Variants in CCL3 observed in about 807,000 individuals in gnomAD.
The protein encoded by CCL3 is C-C motif chemokine 3.
CCL3 carries 6 observed loss-of-function variants against 8.1 expected under a neutral mutation model. The ratio of observed to expected loss-of-function variants is 0.74; its 90% CI spans 0.41 to 1.46. The LOEUF is 1.46. Among genes scored for constraint, CCL3 ranks in the 40% most tolerant of loss-of-function variants. CCL3 has a pLI of 0.02. For synonymous variants in CCL3, 45 were observed against 45.1 expected (o/e 1.00, Z 0.01); for missense variants, 109 against 117.7 (o/e 0.93, Z 0.34).
At position 36,089,189 on chromosome 17, in the gene CCL3, C is replaced by A. The variant is rs781743526; in HGVS notation, c.182G>T (p.Gly61Val). ...CAGGAAGACTGGCACTTACATGACA[C>A]CGGGCTTGGAGCACTGGCTGCTCGT... ...FETSSQCSKP[G>V]VIFLTKRSRQ... Residue 61 changes from glycine to valine, a missense_variant, in exon 2 of 3, where the codon GGT (glycine) becomes GTT (valine). Physicochemically the swap from Gly to Val is moderately radical, Grantham distance 109. Transcript: ENST00000613922. 4.3e-6 allele frequency: 7 copies of A among 1,613,878 alleles called. No individual in the cohort carries two copies. In the African/African-American group the frequency reaches 9.3e-5, roughly 22 times the overall value.
chr17:36,089,973 A>G lies in CCL3; in HGVS notation c.73+13T>C. On this transcript the variant is annotated intron_variant, in intron 1 of 2. Transcript: ENST00000613922. ...CAGAGAGTGGTGATACCCACAACGA[A>G]ACTCAGACTCACGTGATGCAGAGAA... 3 of 1,612,970 alleles carry G rather than the reference A, an allele frequency of 1.9e-6. No homozygotes were observed. Among genetic ancestry groups the G allele is most frequent in the Non-Finnish European group, 2.5e-6 (3 of 1,179,000 alleles).
At chr17:36,088,833 A>G (rs540710731) in intron 2 of CCL3, 71 bp from the exon 3 acceptor site, 266 of 1,583,144 alleles carry the variant, frequency 1.7e-4, no homozygotes, top group African/African-American at 1.0e-3. Context: ...CCATGGCCCC[A>G]CCATTCTGCT....
rs1314090425 is a variant in CCL3, at chr17:36,089,981, C to A, written c.73+5G>T. The A allele has an allele frequency of 1.2e-6, 2 of 1,613,562 alleles. No individual in the cohort carries two copies. Among genetic ancestry groups the A allele is most frequent in the Admixed American group, 3.3e-5 (2 of 60,002 alleles). On this transcript the variant is annotated splice_donor_5th_base_variant and intron_variant, in intron 1 of 2. Transcript: ENST00000613922. Reference sequence around the variant, plus strand: ...GGTGATACCCACAACGAAACTCAGACTCACGTGATGCAGAGAACTGGTTGC... The same window carrying A: ...GGTGATACCCACAACGAAACTCAGAATCACGTGATGCAGAGAACTGGTTGC...
rs750828742 is a variant in CCL3, at chr17:36,090,038, G to A, written c.21C>T (p.Ala7=). 5 of 1,613,486 alleles carry A rather than the reference G, an allele frequency of 3.1e-6. No homozygotes were observed. The Admixed American group carries it at 8.3e-5, about 27-fold the overall frequency. The change falls in exon 1 of 3, where the codon GCC becomes GCT. Residue 7 remains alanine, a synonymous_variant. Transcript: ENST00000613922. Reference sequence around the variant, plus strand: ...CCATGGTGCAGAGGAGGACAGCAAGGGCAGCAGTGGAGACCTGCATGATTC... The same window carrying A: ...CCATGGTGCAGAGGAGGACAGCAAGAGCAGCAGTGGAGACCTGCATGATTC... The part of the protein sequence containing the change: MQVSTA[A]LAVLLCTMAL...
chr17:36,089,124 C>T, intron 2 of CCL3, 59 bp downstream of exon 2: 7 of 1,607,358 alleles, frequency 4.4e-6, no homozygotes, highest in Non-Finnish European at 6.0e-6. Context: ...TGGCCTGTCT[C>T]TGCCCCAACC....
Position 36,090,115 on chromosome 17 carries a change from T to G in CCL3, c.-57A>C. 1 of 1,512,088 alleles carries G rather than the reference T, an allele frequency of 6.6e-7. No individual in the cohort carries two copies. Among genetic ancestry groups the G allele is most frequent in the Non-Finnish European group, 9.1e-7 (1 of 1,095,598 alleles). The allele number at this position is 1,512,088 out of a possible 1,614,324, so 93.7% of individuals were successfully genotyped here. ...AGTGTCAGCAGAGCCAAGAAAGGACTGACCACTGTCTGCTGCCCGTGTCCT... is the reference window on the plus strand; with the variant it reads ...AGTGTCAGCAGAGCCAAGAAAGGACGGACCACTGTCTGCTGCCCGTGTCCT... On this transcript the variant is annotated 5_prime_UTR_variant, in exon 1 of 3. Coordinates refer to ENST00000613922, the MANE Select transcript of CCL3 (RefSeq NM_002983.3).
At chr17:36,089,148 C>T in intron 2 of CCL3, 35 bp downstream of exon 2, 1 of 1,613,266 alleles carries the variant, frequency 6.2e-7, no homozygotes, top group Non-Finnish European at 8.5e-7. Flanking sequence ...ACCCTCCCTA[C>T]CTCCATAGAG....
chr17:36,089,389 T>C, intron 1 of CCL3, 92 bp from the exon 2 acceptor site: 2 of 1,533,288 alleles, frequency 1.3e-6, no homozygotes, highest in Admixed American at 1.7e-5. Flanking sequence ...GAAGGCAGGC[T>C]TGCTCAGACC....
chr17:36,089,074 G>C (rs1245848798), intron 2 of CCL3, 109 bp downstream of exon 2: 1 of 1,419,968 alleles, frequency 7.0e-7, no homozygotes, highest in African/African-American at 1.4e-5. Flanking sequence ...CTGTATCCCC[G>C]ATAGGCTCCT....
chr17:36,089,055 C>G, intron 2 of CCL3, 128 bp downstream of exon 2: 4 of 1,248,528 alleles, frequency 3.2e-6, no homozygotes, highest in Non-Finnish European at 4.7e-6. Context: ...CACCTCGGAG[C>G]CCTGCGTCCT....
chr17:36,089,901 G>C (rs2067029282), intron 1 of CCL3, 85 bp downstream of exon 1: 1 of 1,290,756 alleles, frequency 7.7e-7, no homozygotes, highest in East Asian at 2.4e-5. Flanking sequence ...CTTTTCTCTT[G>C]GGGGCTTTTA....
In CCL3 at chr17:36,088,322, G is replaced by A. The variant is rs973291890; in HGVS notation, c.*350C>T. On this transcript the variant is annotated 3_prime_UTR_variant, in exon 3 of 3. Transcript: ENST00000613922. ...ATCACAGCCCTGAACAAAAGCATCCGATACACATTTGTCAGTCTGGTGGCT... is the reference window on the plus strand; with the variant it reads ...ATCACAGCCCTGAACAAAAGCATCCAATACACATTTGTCAGTCTGGTGGCT... The A allele has an allele frequency of 1.9e-5, 6 of 315,396 alleles. No individual in the cohort carries two copies. The highest frequency in any genetic ancestry group is 3.9e-5 in the South Asian group (1 of 25,582). The allele number at this position is 315,396 out of a possible 1,614,324, so 19.5% of individuals were successfully genotyped here.
Position 36,088,621 on chromosome 17 carries a change from C to T in CCL3, c.*51G>A, listed in dbSNP as rs1568552209. ...TGTTCCCAAGGCTCAGGCTCCTGCT[C>T]CTCCCCACTGGGCCCACCGAGGTCG... On this transcript the variant is annotated 3_prime_UTR_variant, in exon 3 of 3. Coordinates refer to ENST00000613922, the MANE Select transcript of CCL3 (RefSeq NM_002983.3). 5.0e-6 allele frequency: 8 copies of T among 1,604,790 alleles called. No homozygotes were observed. In the South Asian group the frequency reaches 5.5e-5, roughly 11 times the overall value.
At position 36,090,034 on chromosome 17, in the gene CCL3, C is replaced by T; in HGVS notation, c.25G>A (p.Ala9Thr). ...AGAGCCATGGTGCAGAGGAGGACAG[C>T]AAGGGCAGCAGTGGAGACCTGCATG... is the stretch of plus-strand genomic sequence containing the variant. Reference protein sequence around the residue: MQVSTAALAVLLCTMALCN... With the variant: MQVSTAALTVLLCTMALCN... The change falls in exon 1 of 3, where the codon GCT becomes ACT. Residue 9 changes from alanine to threonine, a missense_variant. Physicochemically the swap from Ala to Thr is moderately conservative, Grantham distance 58 (BLOSUM62 0). Coordinates refer to ENST00000613922, the MANE Select transcript of CCL3 (RefSeq NM_002983.3). The T allele has an allele frequency of 6.2e-7, 1 of 1,613,662 alleles. No individual in the cohort carries two copies. The highest frequency in any genetic ancestry group is 8.5e-7 in the Non-Finnish European group (1 of 1,180,028).
In CCL3 at chr17:36,088,369, C is replaced by T; in HGVS notation, c.*303G>A. The T allele has an allele frequency of 4.7e-6, 2 of 429,756 alleles. No individual in the cohort carries two copies. The highest frequency in any genetic ancestry group is 8.4e-6 in the Non-Finnish European group (2 of 238,934). 26.6% of individuals were successfully genotyped at this position (429,756 alleles called of 1,614,324 possible). On this transcript the variant is annotated 3_prime_UTR_variant, in exon 3 of 3. Transcript: ENST00000613922. ...GGCTTTGGTGCCATGACTGCCTACACAGGCTGATGACAGCCACTCGGTTGT... is the reference window on the plus strand; with the variant it reads ...GGCTTTGGTGCCATGACTGCCTACATAGGCTGATGACAGCCACTCGGTTGT...
intron 1 of CCL3, chr17:36,089,777 C>A: frequency 1.4e-6 from 1 of 720,072 alleles, no homozygotes; most frequent in Non-Finnish European, 2.6e-6. Context: ...AACTCCCCTG[C>A]CCCTGCCTAG....
Position 36,089,975 on chromosome 17 carries a change from C to T in CCL3, c.73+11G>A. ...GAGAGTGGTGATACCCACAACGAAA[C>T]TCAGACTCACGTGATGCAGAGAACT... On this transcript the variant is annotated intron_variant, in intron 1 of 2. Transcript: ENST00000613922. 1 of 1,613,434 alleles carries T rather than the reference C, an allele frequency of 6.2e-7. No individual in the cohort carries two copies. The highest frequency in any genetic ancestry group is 8.5e-7 in the Non-Finnish European group (1 of 1,179,476).
In CCL3 at chr17:36,089,873, A is replaced by G. The variant is rs555307256; in HGVS notation, c.73+113T>C. ...AAAGAGAAAGACCAAGATGTTTGGC[A>G]GCCCTTTAAGAAGTTCTCTTTTCTC... On this transcript the variant is annotated intron_variant, in intron 1 of 2. Transcript: ENST00000613922. 4.0e-6 allele frequency: 4 copies of G among 992,772 alleles called. No homozygotes were observed. The Admixed American group carries it at 7.9e-5, about 20-fold the overall frequency. The allele number at this position is 992,772 out of a possible 1,614,324, so 61.5% of individuals were successfully genotyped here.
intron 1 of CCL3, chr17:36,089,545 G>A: frequency 1.6e-6 from 1 of 614,158 alleles, no homozygotes; most frequent in Non-Finnish European, 2.9e-6. Context: ...TCTTATCTCA[G>A]TTCTCTTCAG....
Sources: gnomAD v4.1 joint callset for allele counts on GRCh38, gnomAD v4.1.1 for gene constraint, MANE v1.5 for transcripts, NCBI Gene and HGNC (gene_info 2026-07-23, HGNC 2026-07-21) for gene names.